The following PCDHGB5 variants were observed in gnomAD, a reference collection of about 807,000 sequenced individuals.
The protein encoded by PCDHGB5 is protocadherin gamma-B5.
A neutral mutation model predicts 62.9 loss-of-function variants in PCDHGB5; 48 were observed. That is an observed-to-expected ratio of 0.76 (90% CI 0.61 to 0.97). The LOEUF (loss-of-function observed/expected upper bound fraction) is 0.97, where lower values mean the gene tolerates loss of function less well. Among genes scored for constraint, PCDHGB5 ranks in the 50% least tolerant of loss-of-function variants. The pLI, the probability that PCDHGB5 is intolerant of heterozygous loss-of-function variation, is 0.00. For missense variants in PCDHGB5, 1,118 were observed against 1,198.6 expected, an observed-to-expected ratio of 0.93 and a Z score of 0.99; for synonymous variants, 474 against 511.2, an observed-to-expected ratio of 0.93 and a Z score of 0.98.
At chr5:141,498,954 A>G (rs1180380627) in intron 2 of PCDHGB5, among the ~76,000 whole-genome samples, 2 of 134,538 alleles carry the variant, frequency 1.5e-5, no homozygotes, top group Non-Finnish European at 3.2e-5. Context: ...AGAAAAAGAG[A>G]GAGAGGGAGG....
At chr5:141,438,579 CAT>C (rs2097974137) in intron 1 of PCDHGB5, among the ~76,000 whole-genome samples, 1 of 55,780 alleles carries the variant, frequency 1.8e-5, no homozygotes, top group Admixed American at 2.8e-4. Context: ...GATATACATA[CAT>C]ACATACATAC....
At chr5:141,410,063 C>CTGCGCACTGGGGAGG (rs2095353294) in intron 1 of PCDHGB5, 2 of 1,612,972 alleles carry the variant, frequency 1.2e-6, no homozygotes, top group Non-Finnish European at 1.7e-6. Context: ...CAGCCTGGGG[C>CTGCGCACTGGGGAGG]TGCGCACTGG....
rs564486909 is a variant in PCDHGB5, at chr5:141,428,072, G to A, written c.2397+27548G>A. The A allele has an allele frequency of 1.6e-5, 25 of 1,609,080 alleles. No individual in the cohort carries two copies. The South Asian group carries it at 1.9e-4, about 12-fold the overall frequency. On this transcript the variant is annotated intron_variant, in intron 1 of 3. Coordinates refer to ENST00000617380, the MANE Select transcript of PCDHGB5 (RefSeq NM_018925.3). The stretch of plus-strand genomic sequence containing the variant: ...AGGTGGTGGCGGTGGACGCAGATTC[G>A]GGACACAACGCTTGGCTGTCCTACC...
At chr5:141,413,257 T>C (rs777964429) in intron 1 of PCDHGB5, 3 of 1,613,954 alleles carry the variant, frequency 1.9e-6, no homozygotes, top group African/African-American at 1.3e-5. Flanking sequence ...CGGGATTCCA[T>C]GGGAGGCTGG....
rs748105196 is a variant in PCDHGB5 at position 141,486,849 on chromosome 5, A to G, written c.2398-7958A>G. ...GTTCGTCTATTTGTGCTGGACCTCA[A>G]TGACAATGCTCCAGCTGTGCTCCGT... is the stretch of plus-strand genomic sequence containing the variant. On this transcript the variant is annotated intron_variant, in intron 1 of 3. Coordinates refer to ENST00000617380, the MANE Select transcript of PCDHGB5 (RefSeq NM_018925.3). The surrounding 1 kb of genome is among the most constrained non-coding windows in gnomAD (Gnocchi z 5.0). 4.3e-6 allele frequency: 7 copies of G among 1,614,110 alleles called. No individual in the cohort carries two copies. The highest frequency in any genetic ancestry group is 5.1e-6 in the Non-Finnish European group (6 of 1,180,036).
intron 1 of PCDHGB5, chr5:141,407,965 G>A (rs2095011875): frequency 4.4e-6 from 3 of 688,096 alleles, no homozygotes; most frequent in Non-Finnish European, 6.9e-6. Flanking sequence ...CAGAGCAAGC[G>A]CTGACGCCGG....
Position 141,477,707 on chromosome 5 carries a change from C to T in PCDHGB5, c.2398-17100C>T. ...AGTGCCCCTAGACTATGAGGATCGG[C>T]GGGAATTTGAATTAACAGCTCATAT... On this transcript the variant is annotated intron_variant, in intron 1 of 3. Transcript: ENST00000617380. The surrounding 1 kb of genome is among the most constrained non-coding windows in gnomAD (Gnocchi z 4.9). 6.2e-7 allele frequency: 1 copy of T among 1,613,952 alleles called. No individual in the cohort carries two copies. Among genetic ancestry groups the T allele is most frequent in the South Asian group, 1.1e-5 (1 of 91,086 alleles).
At chr5:141,453,552 A>G (rs1005017830) in intron 1 of PCDHGB5, among the ~76,000 whole-genome samples, 2 of 152,188 alleles carry the variant, frequency 1.3e-5, no homozygotes, top group Non-Finnish European at 2.9e-5. Flanking sequence ...CACACTCTGT[A>G]GATAATCGAT....
intron 1 of PCDHGB5, chr5:141,422,102 T>A: frequency 6.2e-7 from 1 of 1,609,526 alleles, no homozygotes; most frequent in Non-Finnish European, 8.5e-7. Context: ...GCTTCTGAAA[T>A]ATTCCAATTG....
At chr5:141,458,728 T>A (rs1010109573) in intron 1 of PCDHGB5, among the ~76,000 whole-genome samples, 1 of 151,870 alleles carries the variant, frequency 6.6e-6, no homozygotes, top group Non-Finnish European at 1.5e-5. Context: ...CGCCACCACA[T>A]CCAGCTATTG....
At chr5:141,402,407 A>G (rs1365068565) in intron 1 of PCDHGB5, among the ~76,000 whole-genome samples, 1 of 152,106 alleles carries the variant, frequency 6.6e-6, no homozygotes, top group African/African-American at 2.4e-5. Context: ...AATTGTTAAG[A>G]TACACAGAAA....
At chr5:141,427,963 T>C (rs1289642441) in intron 1 of PCDHGB5, 1 of 1,589,380 alleles carries the variant, frequency 6.3e-7, no homozygotes, top group East Asian at 2.2e-5. Flanking sequence ...GTGCCGCGGG[T>C]GCTGTACCCC....
At chr5:141,426,665 T>A in intron 1 of PCDHGB5, 1 of 429,940 alleles carries the variant, frequency 2.3e-6, no homozygotes, top group South Asian at 1.6e-5. Context: ...ATATAAATGA[T>A]AACCCACCTC....
chr5:141,447,650 TC>T (rs1036312126), intron 1 of PCDHGB5, among the ~76,000 whole-genome samples: 1 of 151,988 alleles, frequency 6.6e-6, no homozygotes, highest in Non-Finnish European at 1.5e-5. Context: ...GGTAGAATTT[TC>T]CCCCCCAGGA....
chr5:141,497,100 T>A (rs886445893), intron 2 of PCDHGB5, among the ~76,000 whole-genome samples: 2 of 151,774 alleles, frequency 1.3e-5, no homozygotes, highest in Non-Finnish European at 2.9e-5. Context: ...GAGGCAGAAC[T>A]GCTTGAACCC....
At chr5:141,416,287 T>A (rs2096012467) in intron 1 of PCDHGB5, 1 of 152,276 alleles carries the variant, frequency 6.6e-6, no homozygotes, top group Admixed American at 6.5e-5. Flanking sequence ...ATTCTCTAAT[T>A]TCACACTGCT....
rs780578882 is a variant in PCDHGB5 at position 141,486,578 on chromosome 5, C to T, written c.2398-8229C>T. On this transcript the variant is annotated intron_variant, in intron 1 of 3. Coordinates refer to ENST00000617380, the MANE Select transcript of PCDHGB5 (RefSeq NM_018925.3). This position sits in a 1 kb window ranked among gnomAD's most constrained non-coding sequence, Gnocchi z 5.0. ...TGAGGTGTTTGTTCCTGAGAACAAT[C>T]GCCCAGGGGACCTGCTTTGCTCCCT... 1.6e-5 allele frequency: 26 copies of T among 1,613,728 alleles called. No homozygotes were observed. The highest frequency in any genetic ancestry group is 2.2e-5 in the South Asian group (2 of 91,072).
In PCDHGB5 at chr5:141,491,359, G is replaced by C. The variant is rs764159829; in HGVS notation, c.2398-3448G>C. 3 of 1,614,154 alleles carry C rather than the reference G, an allele frequency of 1.9e-6. No homozygotes were observed. In the East Asian group the frequency reaches 6.7e-5, roughly 36 times the overall value. On this transcript the variant is annotated intron_variant, in intron 1 of 3. Coordinates refer to ENST00000617380, the MANE Select transcript of PCDHGB5 (RefSeq NM_018925.3). This position sits in a 1 kb window ranked among gnomAD's most constrained non-coding sequence, Gnocchi z 6.9. ...AGCGACCGTCAGTCTCTTATCCCTA[G>C]TCACCTTCACCTTTCTGTCAGCGAA...
At chr5:141,460,872 T>C (rs2098999714) in intron 1 of PCDHGB5, among the ~76,000 whole-genome samples, 1 of 151,064 alleles carries the variant, frequency 6.6e-6, no homozygotes, top group South Asian at 2.1e-4. Flanking sequence ...GCAAAGGACA[T>C]TATTTCATGC....
Sources: gnomAD v4.1 joint callset for allele counts (sites outside exome capture counted in the v4.1 genomes callset) on GRCh38, gnomAD v4.1.1 for gene constraint, Gnocchi (gnomAD v3.1) non-coding constraint, MANE v1.5 for transcripts, NCBI Gene and HGNC (gene_info 2026-07-23, HGNC 2026-07-21) for gene names.